The following E2F6 variants were observed in gnomAD, a reference collection of about 807,000 sequenced individuals.
E2F6 encodes the protein E2F transcription factor 6.
In E2F6, 19 loss-of-function variants were observed where a neutral mutation model predicts 31.5. The ratio of observed to expected loss-of-function variants is 0.60; its 90% CI spans 0.42 to 0.89. The LOEUF (loss-of-function observed/expected upper bound fraction) is 0.89. Among genes scored for constraint, E2F6 ranks in the 40% least tolerant of loss-of-function variants. The pLI, the probability that E2F6 is intolerant of heterozygous loss-of-function variation, is 0.00. For synonymous variants in E2F6, 121 were observed against 127.7 expected (o/e 0.95, Z 0.36); for missense variants, 269 against 341.6 (o/e 0.79, Z 1.67).
At position 11,456,059 on chromosome 2, in the gene E2F6, C is replaced by T. The variant is rs147594774; in HGVS notation, c.163+1120G>A. ...GTGTAGCTTGTGCTGTGGAGGAGGG[C>T]GGCAGCATGCTGGAAGAAGAGGCTG... On this transcript the variant is annotated intron_variant, in intron 2 of 6. Transcript: ENST00000381525. 1.1e-3 allele frequency among the ~76,000 whole-genome samples: 165 copies of T among 152,188 alleles called. 2 individuals are homozygous for T. Among genetic ancestry groups the T allele is most frequent in the African/African-American group, 3.6e-3 (151 of 41,530 alleles).
At chr2:11,463,292 G>C (rs1671899145) in intron 1 of E2F6, among the ~76,000 whole-genome samples, 1 of 152,224 alleles carries the variant, frequency 6.6e-6, no homozygotes, top group Non-Finnish European at 1.5e-5. Context: ...CACTTAGTGT[G>C]AAGACAAGGA....
intron 3 of E2F6, 73 bp from the exon 4 acceptor site, chr2:11,451,879 G>C: frequency 7.1e-7 from 1 of 1,408,976 alleles, no homozygotes; most frequent in East Asian, 2.4e-5. Flanking sequence ...TAGGTTATTG[G>C]AACTTCTCCA....
At chr2:11,460,650 G>C (rs578109054) in intron 1 of E2F6, among the ~76,000 whole-genome samples, 2 of 152,240 alleles carry the variant, frequency 1.3e-5, no homozygotes, top group Admixed American at 1.3e-4. Context: ...ATCGTCATTA[G>C]GCGATTTTGT....
chr2:11,462,272 A>C (rs1671827935), intron 1 of E2F6, among the ~76,000 whole-genome samples: 1 of 152,228 alleles, frequency 6.6e-6, no homozygotes, highest in Non-Finnish European at 1.5e-5. Flanking sequence ...CAAGACCCCC[A>C]GTGGATGCCT....
chr2:11,463,948 C>CGGCG lies in E2F6; in HGVS notation c.108+1823_108+1824insCGCC, dbSNP rs1553336589. 4.2e-5 allele frequency among the ~76,000 whole-genome samples: 3 copies of CGGCG among 71,694 alleles called. 1 individual carries two copies. Among genetic ancestry groups the CGGCG allele is most frequent in the South Asian group, 9.4e-4 (2 of 2,130 alleles). 47.0% of individuals were successfully genotyped at this position (71,694 alleles called of 152,430 possible). ...AGGGTGACAGAGTGAGATCCTGCAC[C>CGGCG]GGGGGGGGGGACAAAAACAAAAACA... On this transcript the variant is annotated intron_variant, in intron 1 of 6. Transcript: ENST00000381525.
chr2:11,465,190 A>AAAAAAAG (rs1169168723), intron 1 of E2F6, among the ~76,000 whole-genome samples: 1 of 147,970 alleles, frequency 6.8e-6, no homozygotes, highest in African/African-American at 2.5e-5. Context: ...AAAAAAAAAA[A>AAAAAAAG]AAAAAAGAAA....
chr2:11,446,386 TA>T lies in E2F6; in HGVS notation c.*90del. 1.0e-6 allele frequency: 1 copy of T among 984,334 alleles called. No homozygotes were observed. Among genetic ancestry groups the T allele is most frequent in the South Asian group, 1.4e-5 (1 of 71,158 alleles). 61.0% of individuals were successfully genotyped at this position (984,334 alleles called of 1,614,324 possible). A position where few individuals can be genotyped will look rare whatever the true frequency, so the allele number is the denominator to read the frequency against. ...ACTGAGAACGAGAGCACTTCATGGA[TA>T]ATTTATTGCTCTGAGAATCAAATTT... On this transcript the variant is annotated 3_prime_UTR_variant, in exon 7 of 7. Coordinates refer to ENST00000381525, the MANE Select transcript of E2F6 (RefSeq NM_198256.4).
At chr2:11,449,924 G>C (rs1238116450) in intron 5 of E2F6, 88 bp downstream of exon 5, 19 of 1,003,968 alleles carry the variant, frequency 1.9e-5, no homozygotes, top group Non-Finnish European at 2.9e-5. Flanking sequence ...GCACACAACG[G>C]CTCTTAAGTA....
intron 1 of E2F6, chr2:11,458,275 A>G (rs1175494077): frequency 1.3e-6 from 2 of 1,551,768 alleles, no homozygotes; most frequent in Admixed American, 3.9e-5. Flanking sequence ...CAGACAGGGA[A>G]CTCACAGAAG....
intron 2 of E2F6, chr2:11,456,926 T>C (rs958242164): frequency 1.2e-5 from 5 of 429,168 alleles, no homozygotes; most frequent in African/African-American, 2.1e-5. Context: ...AAAGAGTACA[T>C]TTCTCTCCCA....
chr2:11,463,355 T>C (rs1671905848), intron 1 of E2F6, among the ~76,000 whole-genome samples: 1 of 152,230 alleles, frequency 6.6e-6, no homozygotes, highest in Non-Finnish European at 1.5e-5. Flanking sequence ...TTTTCTCTTA[T>C]TTATGATTTT....
chr2:11,459,282 A>C lies in E2F6; in HGVS notation c.109-2049T>G, dbSNP rs182021630. ...AAAGAGGCTGCCTCGCTAGCTATGC[A>C]TTCTAGGGTGTCTTCTCTGCTACAC... On this transcript the variant is annotated intron_variant, in intron 1 of 6. Coordinates refer to ENST00000381525, the MANE Select transcript of E2F6 (RefSeq NM_198256.4). Among the ~76,000 whole-genome samples, 311 of 152,194 alleles carry C rather than the reference A, an allele frequency of 2.0e-3. 1 individual carries two copies. The highest frequency in any genetic ancestry group is 6.4e-3 in the African/African-American group (266 of 41,526).
intron 1 of E2F6, among the ~76,000 whole-genome samples, chr2:11,465,217 A>C (rs1440501298): frequency 6.6e-6 from 1 of 151,954 alleles, no homozygotes; most frequent in African/African-American, 2.4e-5. Context: ...AAAGAAAAGA[A>C]AAAGAAAATG....
intron 1 of E2F6, among the ~76,000 whole-genome samples, chr2:11,464,188 T>C (rs992803401): frequency 1.3e-5 from 2 of 151,798 alleles, no homozygotes; most frequent in Non-Finnish European, 2.9e-5. Context: ...TCCCCAGCAG[T>C]GGGTTGGCTG....
intron 6 of E2F6, 124 bp downstream of exon 6, chr2:11,447,503 T>G (rs546290653): frequency 1.0e-6 from 1 of 994,604 alleles, no homozygotes; most frequent in Non-Finnish European, 1.5e-6. Flanking sequence ...GTAAGAGTTA[T>G]GCTGTAATTT....
Position 11,460,350 on chromosome 2 carries a change from A to G in E2F6, c.109-3117T>C, listed in dbSNP as rs182489401. 1.1e-3 allele frequency among the ~76,000 whole-genome samples: 168 copies of G among 152,298 alleles called. 1 individual carries two copies. Among genetic ancestry groups the G allele is most frequent in the African/African-American group, 3.9e-3 (162 of 41,564 alleles). On this transcript the variant is annotated intron_variant, in intron 1 of 6. Transcript: ENST00000381525. ...ATTATGCAGACCAAGTTCTACCTCCAATCAATGCTATTTTCTCCCTTCTCA... is the reference window on the plus strand; with the variant it reads ...ATTATGCAGACCAAGTTCTACCTCCGATCAATGCTATTTTCTCCCTTCTCA...
intron 1 of E2F6, among the ~76,000 whole-genome samples, chr2:11,460,126 G>C (rs1671682727): frequency 6.6e-6 from 1 of 151,990 alleles, no homozygotes; most frequent in South Asian, 2.1e-4. Flanking sequence ...TAGCTTTGAA[G>C]AGCTGCTTCA....
chr2:11,462,349 ATT>A (rs1558463255), intron 1 of E2F6, among the ~76,000 whole-genome samples: 2 of 152,248 alleles, frequency 1.3e-5, no homozygotes, highest in Non-Finnish European at 2.9e-5. Context: ...ATGTGATAAC[ATT>A]TAATTTATAG....
At position 11,445,293 on chromosome 2, in the gene E2F6, C is replaced by T. The variant is rs1572482394; in HGVS notation, c.*1184G>A. The T allele has an allele frequency of 1.3e-5, 2 of 152,624 alleles. No individual in the cohort carries two copies. Among genetic ancestry groups the T allele is most frequent in the South Asian group, 4.1e-4 (2 of 4,824 alleles). 9.5% of individuals were successfully genotyped at this position (152,624 alleles called of 1,614,324 possible). A position where few individuals can be genotyped will look rare whatever the true frequency, so the allele number is the denominator to read the frequency against. On this transcript the variant is annotated 3_prime_UTR_variant, in exon 7 of 7. Transcript: ENST00000381525. ...TCTTACAATTCACTCACTCCACTCACTTATTTGTTCAGACATTTATTGAGC... is the reference window on the plus strand; with the variant it reads ...TCTTACAATTCACTCACTCCACTCATTTATTTGTTCAGACATTTATTGAGC...
Sources: gnomAD v4.1 joint callset for allele counts (sites outside exome capture counted in the v4.1 genomes callset) on GRCh38, gnomAD v4.1.1 for gene constraint, MANE v1.5 for transcripts, NCBI Gene and HGNC (gene_info 2026-07-23, HGNC 2026-07-21) for gene names.